The following AQR variants were observed in gnomAD, a reference collection of about 807,000 sequenced individuals.
The protein encoded by AQR is RNA helicase aquarius.
A neutral mutation model predicts 180.5 loss-of-function variants in AQR; 61 were observed. The observed-to-expected ratio is 0.34, with a 90% CI of 0.28 to 0.42. The LOEUF is 0.42. Among genes scored for constraint, AQR ranks in the 10% least tolerant of loss-of-function variants. The pLI, the probability that AQR is intolerant of heterozygous loss-of-function variation, is 1.00. For synonymous variants in AQR, 551 were observed against 588.8 expected, an observed-to-expected ratio of 0.94 and a Z score of 0.93; for missense variants, 1,281 against 1,798.3, an observed-to-expected ratio of 0.71 and a Z score of 5.20.
At chr15:34,895,173 AAAAAAAAAAAAAAAATATAT>A (rs1277250574) in intron 22 of AQR, among the ~76,000 whole-genome samples, 8 of 48,882 alleles carry the variant, frequency 1.6e-4, no homozygotes, top group African/African-American at 4.7e-4. Context: ...AAAAAAAAAA[AAAAAAAAAAAAAAAATATAT>A]ATATATATAT....
intron 3 of AQR, among the ~76,000 whole-genome samples, chr15:34,954,723 A>G (rs1438100417): frequency 2.6e-5 from 4 of 152,202 alleles, no homozygotes; most frequent in Admixed American, 6.5e-5. Flanking sequence ...ACTTTTGCCA[A>G]TGAACTCTCT....
intron 25 of AQR, 133 bp from the exon 26 acceptor site, chr15:34,884,867 A>G: frequency 7.3e-6 from 5 of 685,512 alleles, no homozygotes; most frequent in Non-Finnish European, 4.8e-6. Context: ...TTGATCCAAT[A>G]TAACTATTCT....
At position 34,908,741 on chromosome 15, in the gene AQR, C is replaced by T. The variant is rs79681399; in HGVS notation, c.1663+1394G>A. ...ATGGGGGAAGTGGCCTGTTTTTAAA[C>T]ATCCTTTTGTTTTCCTTAACACCAA... On this transcript the variant is annotated intron_variant, in intron 17 of 34. Transcript: ENST00000156471. Among the ~76,000 whole-genome samples the T allele has an allele frequency of 8.6e-3, 1,307 of 152,294 alleles. 20 individuals are homozygous for T. Among genetic ancestry groups the T allele is most frequent in the African/African-American group, 0.03 (1,242 of 41,540 alleles).
In AQR at chr15:34,873,976, C is replaced by T. The variant is rs769456293; in HGVS notation, c.3449G>A (p.Arg1150Gln). 9 of 1,608,516 alleles carry T rather than the reference C, an allele frequency of 5.6e-6. No individual in the cohort carries two copies. In the East Asian group the frequency reaches 6.7e-5, roughly 12 times the overall value. The stretch of plus-strand genomic sequence containing the variant: ...GGGTAAGTTTCCTAGATTCTTGTAT[C>T]GCCAGTTGTAGAGGTTGCACAAGCT... ...RASLCNLYNW[R>Q]YKNLGNLPHV... Residue 1150 changes from arginine (R) to glutamine (Q), a missense_variant, in exon 30 of 35, where the codon CGA becomes CAA. Physicochemically the swap from Arg to Gln is conservative, Grantham distance 43 (BLOSUM62 1). Transcript: ENST00000156471.
chr15:34,921,433 C>CAAAAAA (rs71119990), intron 13 of AQR, among the ~76,000 whole-genome samples: 4 of 74,910 alleles, frequency 5.3e-5, no homozygotes, highest in Non-Finnish European at 8.5e-5. Flanking sequence ...GACTCCATCT[C>CAAAAAA]AAAAAAAAAA....
chr15:34,871,459 A>G (rs1435252145), intron 30 of AQR, among the ~76,000 whole-genome samples: 2 of 150,828 alleles, frequency 1.3e-5, no homozygotes, highest in Non-Finnish European at 2.9e-5. Context: ...GCGAGCTTCA[A>G]TCGTGCCTCT....
In AQR at chr15:34,930,248, T is replaced by C; in HGVS notation, c.1014+10A>G. On this transcript the variant is annotated intron_variant, in intron 12 of 34. Coordinates refer to ENST00000156471, the MANE Select transcript of AQR (RefSeq NM_014691.3). Reference sequence around the variant, plus strand: ...TGGAGCATACACAGTCTATAATGTATTTTAATTACCTGTAGAGAAGTAATT... The same window carrying C: ...TGGAGCATACACAGTCTATAATGTACTTTAATTACCTGTAGAGAAGTAATT... The C allele has an allele frequency of 6.6e-7, 1 of 1,521,998 alleles. No homozygotes were observed. Among genetic ancestry groups the C allele is most frequent in the South Asian group, 1.1e-5 (1 of 88,960 alleles). The allele number at this position is 1,521,998 out of a possible 1,614,324, so 94.3% of individuals were successfully genotyped here. A position where few individuals can be genotyped will look rare whatever the true frequency, so the allele number is the denominator to read the frequency against.
intron 3 of AQR, among the ~76,000 whole-genome samples, chr15:34,960,505 T>C (rs1008907110): frequency 1.3e-5 from 2 of 152,232 alleles, no homozygotes; most frequent in African/African-American, 2.4e-5. Context: ...ATAATACTAG[T>C]AATAAAATCT....
At chr15:34,884,475 CT>C (rs1893025755) in intron 26 of AQR, 49 bp downstream of exon 26, 1 of 1,384,732 alleles carries the variant, frequency 7.2e-7, no homozygotes, top group Admixed American at 2.5e-5. Context: ...AAAAACTAAA[CT>C]AAATTAAAAA....
chr15:34,906,777 A>G, intron 17 of AQR, 65 bp from the exon 18 acceptor site: 1 of 1,509,182 alleles, frequency 6.6e-7, no homozygotes, highest in South Asian at 1.3e-5. Flanking sequence ...TTGTAGGCAA[A>G]TTCTTATTTG....
chr15:34,890,214 C>G lies in AQR; in HGVS notation c.2681+1G>C, dbSNP rs1231497754. On this transcript the variant is annotated splice_donor_variant, in intron 24 of 34. Transcript: ENST00000156471. LOFTEE classifies it high-confidence loss of function. Reference sequence around the variant, plus strand: ...ACTGTTACTCACTCCCATTTGCTCACCTGCTGAAATCTTTCTCTGTCTCCA... The same window carrying G: ...ACTGTTACTCACTCCCATTTGCTCAGCTGCTGAAATCTTTCTCTGTCTCCA... The G allele has an allele frequency of 6.2e-7, 1 of 1,611,176 alleles. No homozygotes were observed.
intron 26 of AQR, among the ~76,000 whole-genome samples, chr15:34,884,173 G>A (rs1278475688): frequency 6.6e-6 from 1 of 152,154 alleles, no homozygotes; most frequent in Non-Finnish European, 1.5e-5. Flanking sequence ...TTGGGAGGCA[G>A]AGGCGAGCAG....
intron 16 of AQR, among the ~76,000 whole-genome samples, chr15:34,912,530 G>A (rs1893516375): frequency 6.6e-6 from 1 of 150,828 alleles, no homozygotes; most frequent in Admixed American, 6.6e-5. Flanking sequence ...ATACATTTTA[G>A]GACAAGCTAT....
At chr15:34,925,858 C>T (rs182622198) in intron 13 of AQR, among the ~76,000 whole-genome samples, 56 of 149,586 alleles carry the variant, frequency 3.7e-4, no homozygotes, top group Admixed American at 3.4e-3. Flanking sequence ...AAAGACTCAC[C>T]AATAGGAGAT....
chr15:34,925,581 C>T (rs1187578313), intron 13 of AQR, among the ~76,000 whole-genome samples: 1 of 152,188 alleles, frequency 6.6e-6, no homozygotes, highest in Non-Finnish European at 1.5e-5. Context: ...TGGCTCATGC[C>T]TCTAATCCCA....
At chr15:34,948,151 T>C in intron 5 of AQR, 113 bp downstream of exon 5, 1 of 1,205,618 alleles carries the variant, frequency 8.3e-7, no homozygotes, top group East Asian at 2.6e-5. Flanking sequence ...ATATTTGCTT[T>C]ATTACTGGGT....
rs1183364414 is a variant in AQR at position 34,853,795 on chromosome 15, G to T, written c.*2997C>A. ...AACTCTCCTGTCCCAAATCCAAACA[G>T]ATCTTTTTCCTTTATTTACAGATAA... On this transcript the variant is annotated 3_prime_UTR_variant, in exon 35 of 35. Coordinates refer to ENST00000156471, the MANE Select transcript of AQR (RefSeq NM_014691.3). 6.6e-6 allele frequency: 1 copy of T among 152,156 alleles called. No homozygotes were observed. The highest frequency in any genetic ancestry group is 1.5e-5 in the Non-Finnish European group (1 of 68,024). The allele number at this position is 152,156 out of a possible 1,614,324, so 9.4% of individuals were successfully genotyped here.
At chr15:34,916,300 T>TC (rs1405484113) in intron 15 of AQR, among the ~76,000 whole-genome samples, 1 of 152,140 alleles carries the variant, frequency 6.6e-6, no homozygotes, top group Non-Finnish European at 1.5e-5. Context: ...TATTCCAGAC[T>TC]CCCCCTTTTC....
rs1250226005 is a variant in AQR at position 34,855,001 on chromosome 15, C to G, written c.*1791G>C. 2 of 152,354 alleles carry G rather than the reference C, an allele frequency of 1.3e-5. 1 individual carries two copies. 9.4% of individuals were successfully genotyped at this position (152,354 alleles called of 1,614,324 possible). A position where few individuals can be genotyped will look rare whatever the true frequency, so the allele number is the denominator to read the frequency against. ...CCCATACAGATGCCCACAGCACCTG[C>G]TTTCAAAATCTTTTATCGGAGAAAT... On this transcript the variant is annotated 3_prime_UTR_variant, in exon 35 of 35. Coordinates refer to ENST00000156471, the MANE Select transcript of AQR (RefSeq NM_014691.3).
Sources: allele counts gnomAD v4.1 joint callset (sites outside exome capture counted in the v4.1 genomes callset), GRCh38; gene constraint gnomAD v4.1.1; transcripts MANE v1.5; gene names NCBI Gene and HGNC (gene_info 2026-07-23, HGNC 2026-07-21).